The following PPIL3 variants were observed in gnomAD, a reference collection of about 807,000 sequenced individuals.
PPIL3 encodes the protein peptidylprolyl isomerase like 3.
PPIL3 carries 13 observed loss-of-function variants against 20.9 expected under a neutral mutation model. The ratio of observed to expected loss-of-function variants is 0.62; its 90% confidence interval spans 0.40 to 0.99. The LOEUF (loss-of-function observed/expected upper bound fraction) is 0.99, where lower values mean the gene tolerates loss of function less well. Ranked by LOEUF, PPIL3 falls within the 50% of genes least tolerant of loss-of-function variation. The pLI, the probability that PPIL3 is intolerant of heterozygous loss-of-function variation, is 0.00. For synonymous variants in PPIL3, 71 were observed against 64.4 expected (o/e 1.10, Z -0.49); for missense variants, 170 against 195.2 (o/e 0.87, Z 0.77).
At chr2:200,883,189 A>G (rs1306322750) in intron 3 of PPIL3, among the ~76,000 whole-genome samples, 1 of 148,472 alleles carries the variant, frequency 6.7e-6, no homozygotes, top group Non-Finnish European at 1.5e-5. Context: ...CCTGAGCTCA[A>G]ATGATTCTCC....
intron 1 of PPIL3, among the ~76,000 whole-genome samples, chr2:200,888,081 A>C (rs1218700881): frequency 6.9e-6 from 1 of 145,690 alleles, no homozygotes; most frequent in Non-Finnish European, 1.5e-5. Flanking sequence ...AAAATCCTCT[A>C]ATGGCATCCC....
At position 200,871,476 on chromosome 2, in the gene PPIL3, T is replaced by C; in HGVS notation, c.405A>G (p.Pro135=). 1.2e-6 allele frequency: 2 copies of C among 1,612,112 alleles called. No individual in the cohort carries two copies. The highest frequency in any genetic ancestry group is 1.7e-6 in the Non-Finnish European group (2 of 1,178,236). ...GAGGTCGGTATGTCTTCTCATTTACTGGCAACTTCTCCAACTCATCTAGAG... is the reference window on the plus strand; with the variant it reads ...GAGGTCGGTATGTCTTCTCATTTACCGGCAACTTCTCCAACTCATCTAGAG... ...LETLDELEKL[P]VNEKTYRPLN... Residue 135 remains proline, a synonymous_variant, in exon 7 of 7, where the codon CCA becomes CCG. Coordinates refer to ENST00000392283, the MANE Select transcript of PPIL3 (RefSeq NM_130906.3).
In PPIL3 at chr2:200,871,421, T is replaced by A; in HGVS notation, c.460A>T (p.Ile154Phe). The change falls in exon 7 of 7, where the codon ATT becomes TTT. Residue 154 changes from isoleucine (I) to phenylalanine (F), a missense_variant. Transcript: ENST00000392283. ...TACTGAGCAAATGGGTTGGCATGAA[T>A]AGTTATGTCCTTAATGTGTACATCA... The part of the protein sequence containing the change: ...LNDVHIKDIT[I>F]HANPFAQ 1 of 1,611,430 alleles carries A rather than the reference T, an allele frequency of 6.2e-7. No homozygotes were observed. Among genetic ancestry groups the A allele is most frequent in the Non-Finnish European group, 8.5e-7 (1 of 1,178,198 alleles).
chr2:200,887,903 A>G (rs2040014269), intron 1 of PPIL3, among the ~76,000 whole-genome samples: 1 of 151,944 alleles, frequency 6.6e-6, no homozygotes, highest in Non-Finnish European at 1.5e-5. Context: ...CTAAAAACAC[A>G]AAAATTAGCC....
intron 2 of PPIL3, among the ~76,000 whole-genome samples, chr2:200,887,210 C>T (rs1469426683): frequency 6.6e-6 from 1 of 151,874 alleles, no homozygotes; most frequent in African/African-American, 2.4e-5. Context: ...AATGGCGAAA[C>T]CCCATCTCTA....
At chr2:200,874,038 T>A (rs1354365019) in intron 6 of PPIL3, among the ~76,000 whole-genome samples, 1 of 150,786 alleles carries the variant, frequency 6.6e-6, no homozygotes, top group Non-Finnish European at 1.5e-5. Flanking sequence ...ACCCCGTCTC[T>A]ACTAAAAATA....
upstream of PPIL3, chr2:200,889,269 C>CTA: frequency 6.2e-6 from 2 of 324,804 alleles, no homozygotes; most frequent in South Asian, 4.8e-5. Flanking sequence ...CAATGCTTTA[C>CTA]ACTCGGCTGC....
At chr2:200,884,032 G>T (rs1297995192) in intron 3 of PPIL3, among the ~76,000 whole-genome samples, 1 of 152,174 alleles carries the variant, frequency 6.6e-6, no homozygotes. Flanking sequence ...AATTATAGAT[G>T]TGAGCCACCA....
intron 4 of PPIL3, 142 bp downstream of exon 4, chr2:200,882,200 G>T: frequency 1.6e-6 from 1 of 636,256 alleles, no homozygotes. Context: ...TAACAAACCT[G>T]CATGTTCTGT....
At chr2:200,888,404 T>C (rs1292768759) in intron 1 of PPIL3, 1 of 152,884 alleles carries the variant, frequency 6.5e-6, no homozygotes, top group Non-Finnish European at 1.5e-5. Flanking sequence ...ACAGCACTTA[T>C]CACTAATATA....
At chr2:200,884,709 C>T (rs2039864245) in intron 3 of PPIL3, among the ~76,000 whole-genome samples, 1 of 151,556 alleles carries the variant, frequency 6.6e-6, no homozygotes, top group Non-Finnish European at 1.5e-5. Flanking sequence ...CACTGCACTC[C>T]AGTCTGAGCG....
Position 200,876,945 on chromosome 2 carries a change from C to T in PPIL3, c.333G>A (p.Leu111=). 1 of 1,612,208 alleles carries T rather than the reference C, an allele frequency of 6.2e-7. No individual in the cohort carries two copies. The highest frequency in any genetic ancestry group is 8.5e-7 in the Non-Finnish European group (1 of 1,178,336). ...FFITYGKQPH[L]DMKYTVFGKV... ...TTCCAAATACGGTGTATTTCATGTC[C>T]AAATGTGGCTGTTTGCCATAGGTGA... The change falls in exon 6 of 7, where the codon TTG becomes TTA. Residue 111 remains leucine (L), a synonymous_variant. Coordinates refer to ENST00000392283, the MANE Select transcript of PPIL3 (RefSeq NM_130906.3).
In PPIL3 at chr2:200,881,435, T is replaced by C. The variant is rs1464019496; in HGVS notation, c.226A>G (p.Ser76Gly). The part of the protein sequence containing the change: ...IWGKKFEDEY[S>G]EYLKHNVRGV... ...TGAGGATTTACCTTAAGATATTCAC[T>C]GTATTCATCCTCAAACTTCTTGCCC... Residue 76 changes from serine to glycine, a missense_variant, in exon 5 of 7, where the codon AGT becomes GGT. Transcript: ENST00000392283. 14 of 1,612,786 alleles carry C rather than the reference T, an allele frequency of 8.7e-6. No homozygotes were observed. The highest frequency in any genetic ancestry group is 1.1e-5 in the Non-Finnish European group (13 of 1,179,302).
intron 2 of PPIL3, among the ~76,000 whole-genome samples, chr2:200,887,145 G>T (rs1575119564): frequency 6.6e-6 from 1 of 152,086 alleles, no homozygotes; most frequent in Non-Finnish European, 1.5e-5. Flanking sequence ...AACACTTTGG[G>T]AGGTCAAGGC....
chr2:200,872,498 TAGG>T (rs1331680113), intron 6 of PPIL3, among the ~76,000 whole-genome samples: 1 of 152,140 alleles, frequency 6.6e-6, no homozygotes, highest in African/African-American at 2.4e-5. Flanking sequence ...AGGTCAAGAA[TAGG>T]AGGTCACTGA....
intron 3 of PPIL3, among the ~76,000 whole-genome samples, chr2:200,884,112 A>T (rs988529609): frequency 2.0e-5 from 3 of 150,436 alleles, no homozygotes; most frequent in Non-Finnish European, 2.9e-5. Context: ...CATCCTTGTC[A>T]TTTAAACAGG....
At chr2:200,876,846 G>A in intron 6 of PPIL3, 73 bp downstream of exon 6, 1 of 1,117,984 alleles carries the variant, frequency 8.9e-7, no homozygotes, top group East Asian at 2.4e-5. Flanking sequence ...TATTAGTTAT[G>A]CTACTGTCAC....
chr2:200,878,977 C>A (rs1432012813), intron 5 of PPIL3, among the ~76,000 whole-genome samples: 1 of 152,112 alleles, frequency 6.6e-6, no homozygotes, highest in African/African-American at 2.4e-5. Flanking sequence ...ACAAACAGTA[C>A]ATCAGAACAC....
At chr2:200,888,291 C>T (rs2040044699) in intron 1 of PPIL3, 1 of 152,132 alleles carries the variant, frequency 6.6e-6, no homozygotes, top group Non-Finnish European at 1.5e-5. Flanking sequence ...CTAATTTCCT[C>T]ACCTCCAAAT....
Sources: allele counts gnomAD v4.1 joint callset (sites outside exome capture counted in the v4.1 genomes callset), GRCh38; gene constraint gnomAD v4.1.1; transcripts MANE v1.5; gene names NCBI Gene and HGNC (gene_info 2026-07-23, HGNC 2026-07-21).